Variants in MRTFB observed in about 807,000 individuals in gnomAD.
MRTFB encodes myocardin-related transcription factor B.
In MRTFB, 29 loss-of-function variants were observed where a neutral mutation model predicts 104.2. The observed-to-expected ratio is 0.28, with a 90% CI of 0.21 to 0.38. MRTFB has a LOEUF of 0.38. Ranked by LOEUF, MRTFB falls within the 10% of genes least tolerant of loss-of-function variation. The probability of loss-of-function intolerance (pLI) is 1.00; values close to 1 mark genes in which losing one functional copy is unlikely to be tolerated. For synonymous variants in MRTFB, 535 were observed against 519.5 expected, an observed-to-expected ratio of 1.03 and a Z score of -0.41; for missense variants, 1,270 against 1,341.6, an observed-to-expected ratio of 0.95 and a Z score of 0.83.
the MRTFB span, chr16:14,020,985 C>G: frequency 6.6e-6 from 1 of 152,344 alleles, no homozygotes; most frequent in South Asian, 2.1e-4. Flanking sequence ...TAGGAAGACA[C>G]CTTAATTTCA....
At chr16:14,144,570 T>C (rs1229937440) in intron 3 of MRTFB, 2 of 152,106 alleles carry the variant, frequency 1.3e-5, no homozygotes, top group African/African-American at 4.8e-5. Context: ...ACGAAAAAAA[T>C]AGTAAACATT....
intron 3 of MRTFB, among the ~76,000 whole-genome samples, chr16:14,157,447 G>A (rs1009450507): frequency 2.0e-5 from 3 of 152,152 alleles, no homozygotes; most frequent in African/African-American, 4.8e-5. Flanking sequence ...CCCAAAGTCT[G>A]TACTCCCTAC....
the MRTFB span, among the ~76,000 whole-genome samples, chr16:14,051,939 C>T: frequency 6.6e-6 from 1 of 152,182 alleles, no homozygotes; most frequent in South Asian, 2.1e-4. Flanking sequence ...CCTTTACATG[C>T]CTTCCCTCTC....
intron 8 of MRTFB, among the ~76,000 whole-genome samples, chr16:14,231,871 C>A (rs908657259): frequency 3.3e-5 from 5 of 152,054 alleles, no homozygotes; most frequent in African/African-American, 1.2e-4. Context: ...AAATGGCTGG[C>A]AAAATTAGAA....
intron 2 of MRTFB, among the ~76,000 whole-genome samples, chr16:14,103,328 G>C (rs184473610): frequency 3.9e-5 from 6 of 152,096 alleles, no homozygotes; most frequent in Admixed American, 1.3e-4. Context: ...TGAGTTCAGC[G>C]AATAAAGTTC....
At chr16:14,107,396 A>G (rs1430451996) in intron 2 of MRTFB, among the ~76,000 whole-genome samples, 1 of 152,212 alleles carries the variant, frequency 6.6e-6, no homozygotes, top group Non-Finnish European at 1.5e-5. Context: ...TTGAAATTCC[A>G]TCATTTTGCA....
At chr16:14,258,277 A>G in intron 16 of MRTFB, 116 bp downstream of exon 16, 2 of 792,890 alleles carry the variant, frequency 2.5e-6, no homozygotes, top group Non-Finnish European at 2.0e-6. Flanking sequence ...GTGTTCTTCT[A>G]ACTGAATTTA....
chr16:14,004,964 G>T, the MRTFB span, among the ~76,000 whole-genome samples: 34,193 of 152,210 alleles, frequency 0.22, 6,137 homozygotes, highest in African/African-American at 0.5. Context: ...AATCAGCAGG[G>T]ACTAAATCTC....
intron 2 of MRTFB, among the ~76,000 whole-genome samples, chr16:14,134,330 C>G (rs1313164109): frequency 6.6e-6 from 1 of 152,192 alleles, no homozygotes; most frequent in Non-Finnish European, 1.5e-5. Flanking sequence ...AATAAAAACT[C>G]TACTTAGAAG....
intron 2 of MRTFB, among the ~76,000 whole-genome samples, chr16:14,091,192 G>A (rs1250022762): frequency 6.6e-6 from 1 of 152,130 alleles, no homozygotes; most frequent in African/African-American, 2.4e-5. Flanking sequence ...ATGAGGACCT[G>A]AACTAGGGCA....
At chr16:14,158,526 G>A (rs1186093874) in intron 3 of MRTFB, among the ~76,000 whole-genome samples, 1 of 152,086 alleles carries the variant, frequency 6.6e-6, no homozygotes, top group Non-Finnish European at 1.5e-5. Flanking sequence ...AAGCTACCTG[G>A]TTTAGATGGT....
chr16:14,181,943 T>TA (rs1264655736), intron 3 of MRTFB, among the ~76,000 whole-genome samples: 1 of 152,208 alleles, frequency 6.6e-6, no homozygotes, highest in East Asian at 1.9e-4. Flanking sequence ...TCTTTCATAC[T>TA]AAAAGAGCTC....
chr16:14,196,585 T>C (rs1053141103), intron 3 of MRTFB, among the ~76,000 whole-genome samples: 1 of 152,252 alleles, frequency 6.6e-6, no homozygotes, highest in South Asian at 2.1e-4. Context: ...CTAATTTGAA[T>C]AGTTTTTCAG....
chr16:14,029,422 AT>A, the MRTFB span, among the ~76,000 whole-genome samples: 133 of 37,380 alleles, frequency 3.6e-3, no homozygotes, highest in African/African-American at 6.0e-3. Context: ...AAAAAAAAAT[AT>A]ATATATATAT....
chr16:14,053,573 A>G, the MRTFB span, among the ~76,000 whole-genome samples: 1 of 151,996 alleles, frequency 6.6e-6, no homozygotes, highest in African/African-American at 2.4e-5. Context: ...TCTACTAAAA[A>G]TACAAAAATT....
At chr16:14,061,710 A>G in the MRTFB span, among the ~76,000 whole-genome samples, 1 of 151,810 alleles carries the variant, frequency 6.6e-6, no homozygotes, top group South Asian at 2.1e-4. Flanking sequence ...TAATGGAACC[A>G]CTTTACACCC....
At chr16:14,031,909 G>A in the MRTFB span, among the ~76,000 whole-genome samples, 1 of 152,186 alleles carries the variant, frequency 6.6e-6, no homozygotes, top group Non-Finnish European at 1.5e-5. Context: ...CCGGGTTCAT[G>A]CGATTCTCTT....
intron 3 of MRTFB, among the ~76,000 whole-genome samples, chr16:14,184,573 A>T (rs2039882239): frequency 6.6e-6 from 1 of 151,236 alleles, no homozygotes; most frequent in Non-Finnish European, 1.5e-5. Flanking sequence ...TTGAACTCAC[A>T]AGTCTTGCAG....
rs374519164 is a variant in MRTFB, at chr16:14,104,139, A to G, written c.-64+24785A>G. On this transcript the variant is annotated intron_variant, in intron 2 of 16. Transcript: ENST00000571589. ...ATAAAAATTACAAATGAATTTTGAC[A>G]TGTTATAGAGTGGAGGGTGTGTTTA... 4.6e-5 allele frequency among the ~76,000 whole-genome samples: 7 copies of G among 152,334 alleles called. No homozygotes were observed. In the South Asian group the frequency reaches 1.2e-3, roughly 27 times the overall value.
Sources: gnomAD v4.1 joint callset for allele counts (sites outside exome capture counted in the v4.1 genomes callset) on GRCh38, gnomAD v4.1.1 for gene constraint, MANE v1.5 for transcripts, NCBI Gene and HGNC (gene_info 2026-07-23, HGNC 2026-07-21) for gene names.